The following FNBP1 variants were observed in gnomAD, a reference collection of about 807,000 sequenced individuals.
The protein encoded by FNBP1 is formin-binding protein 1.
In FNBP1, 26 loss-of-function variants were observed where a neutral mutation model predicts 90.6. The observed-to-expected ratio is 0.29, with a 90% confidence interval of 0.21 to 0.40. FNBP1 has a LOEUF of 0.40. FNBP1 is among the 10% of genes least tolerant of loss of function. FNBP1 has a pLI of 1.00. For missense variants in FNBP1, 635 were observed against 768.0 expected, an observed-to-expected ratio of 0.83 and a Z score of 2.05; for synonymous variants, 260 against 265.2, an observed-to-expected ratio of 0.98 and a Z score of 0.19.
intron 4 of FNBP1, among the ~76,000 whole-genome samples, chr9:129,959,694 A>G (rs1412657379): frequency 6.6e-6 from 1 of 152,200 alleles, no homozygotes; most frequent in Admixed American, 6.5e-5. Context: ...AACTGCTTTG[A>G]GATATGATTC....
In FNBP1 at chr9:129,925,068, GC is replaced by G; in HGVS notation, c.878del (p.Arg293ProfsTer42). Reference sequence around the variant, plus strand: ...TTGAAAGGCTGTTATCTGACACAGTGCGCTTCATTGGCTGAGTGTAATCCTC... The same window carrying G: ...TTGAAAGGCTGTTATCTGACACAGTGGCTTCATTGGCTGAGTGTAATCCTC... ...EFEDYTQPMK[R>X]TVSDNSLSNS... On this transcript the variant is annotated frameshift_variant, in exon 9 of 17. Transcript: ENST00000446176. LOFTEE classifies it high-confidence loss of function. The G allele has an allele frequency of 6.2e-7, 1 of 1,613,894 alleles. No individual in the cohort carries two copies. The highest frequency in any genetic ancestry group is 8.5e-7 in the Non-Finnish European group (1 of 1,179,814).
chr9:129,982,295 A>C (rs1397742862), intron 2 of FNBP1, among the ~76,000 whole-genome samples: 1 of 152,134 alleles, frequency 6.6e-6, no homozygotes, highest in Non-Finnish European at 1.5e-5. Context: ...ACATGGTGAA[A>C]TCCTGTCTCT....
At chr9:130,040,344 C>T (rs1031751029) in intron 1 of FNBP1, among the ~76,000 whole-genome samples, 2 of 152,178 alleles carry the variant, frequency 1.3e-5, no homozygotes, top group African/African-American at 4.8e-5. Context: ...TAACGTCAAG[C>T]GTGGTGGCTC....
Position 129,890,601 on chromosome 9 carries a change from G to T in FNBP1, c.1847-55C>A. 1.3e-6 allele frequency: 2 copies of T among 1,518,122 alleles called. No individual in the cohort carries two copies. The highest frequency in any genetic ancestry group is 1.8e-6 in the Non-Finnish European group (2 of 1,115,432). The allele number at this position is 1,518,122 out of a possible 1,614,324, so 94.0% of individuals were successfully genotyped here. A position where few individuals can be genotyped will look rare whatever the true frequency, so the allele number is the denominator to read the frequency against. On this transcript the variant is annotated intron_variant, in intron 16 of 16. Transcript: ENST00000446176. The surrounding 1 kb of genome is among the most constrained non-coding windows in gnomAD (Gnocchi z 5.8). ...ACTCTCTGTTAGAGAGGAAGGCGCG[G>T]GTTCCAGGCGGGCATTTTGCTCTTG...
Position 129,890,322 on chromosome 9 carries a change from G to A in FNBP1, c.*217C>T. 3 of 597,000 alleles carry A rather than the reference G, an allele frequency of 5.0e-6. No individual in the cohort carries two copies. In the Middle Eastern group the frequency reaches 1.3e-3, roughly 265 times the overall value. 37.0% of individuals were successfully genotyped at this position (597,000 alleles called of 1,614,324 possible). A position where few individuals can be genotyped will look rare whatever the true frequency, so the allele number is the denominator to read the frequency against. On this transcript the variant is annotated 3_prime_UTR_variant, in exon 17 of 17. Transcript: ENST00000446176. This position sits in a 1 kb window ranked among gnomAD's most constrained non-coding sequence, Gnocchi z 5.8. ...GATGAGGACTGACCCGAGCCATGGG[G>A]GTGGGCGCTGGCGAGACTTGTCCCC...
chr9:129,919,825 T>C (rs1418994204), intron 10 of FNBP1, among the ~76,000 whole-genome samples: 2 of 152,234 alleles, frequency 1.3e-5, no homozygotes, highest in Non-Finnish European at 2.9e-5. Flanking sequence ...GGCATAATGC[T>C]GTTAAGTTAC....
At chr9:129,914,193 G>T (rs2039859825) in intron 11 of FNBP1, among the ~76,000 whole-genome samples, 2 of 143,296 alleles carry the variant, frequency 1.4e-5, no homozygotes, top group Admixed American at 7.1e-5. Context: ...TTTTTTTTCA[G>T]ACATGGTCTC....
intron 11 of FNBP1, among the ~76,000 whole-genome samples, chr9:129,914,292 C>T (rs570161567): frequency 7.9e-5 from 12 of 152,100 alleles, no homozygotes; most frequent in Non-Finnish European, 1.5e-4. Context: ...CCTGCCTCAG[C>T]CTTCCAAAGC....
chr9:129,968,268 G>A (rs1382322499), intron 4 of FNBP1, among the ~76,000 whole-genome samples: 1 of 151,942 alleles, frequency 6.6e-6, no homozygotes, highest in Non-Finnish European at 1.5e-5. Flanking sequence ...GGTGGCAGGC[G>A]CCTGTAATCC....
chr9:130,012,536 G>T (rs1364088896), intron 1 of FNBP1, among the ~76,000 whole-genome samples: 1 of 152,154 alleles, frequency 6.6e-6, no homozygotes, highest in Non-Finnish European at 1.5e-5. Flanking sequence ...GGTGGATTAA[G>T]AATTAAGAAC....
intron 1 of FNBP1, among the ~76,000 whole-genome samples, chr9:130,006,943 G>A (rs2055797837): frequency 6.6e-6 from 1 of 151,956 alleles, no homozygotes; most frequent in South Asian, 2.1e-4. Context: ...GTGATATAAA[G>A]AATGTGGAGG....
intron 6 of FNBP1, among the ~76,000 whole-genome samples, chr9:129,951,248 T>C (rs928742092): frequency 6.6e-6 from 1 of 151,850 alleles, no homozygotes; most frequent in African/African-American, 2.4e-5. Flanking sequence ...TGAGCCACCA[T>C]GCCCGGTCTA....
chr9:129,925,933 T>C (rs1486688956), intron 8 of FNBP1, among the ~76,000 whole-genome samples: 2 of 151,982 alleles, frequency 1.3e-5, no homozygotes, highest in African/African-American at 4.8e-5. Flanking sequence ...ATTTGAGCTT[T>C]TCATCCGAGC....
chr9:130,045,493 G>T (rs2060055654), upstream of FNBP1, among the ~76,000 whole-genome samples: 1 of 152,142 alleles, frequency 6.6e-6, no homozygotes, highest in Non-Finnish European at 1.5e-5. Flanking sequence ...AAAACAACCT[G>T]CTGCTTTAAA....
At chr9:129,922,538 T>C (rs1023941255) in intron 10 of FNBP1, among the ~76,000 whole-genome samples, 1 of 152,156 alleles carries the variant, frequency 6.6e-6, no homozygotes, top group African/African-American at 2.4e-5. Context: ...TACCTGGGCT[T>C]CATAGGGTGG....
In FNBP1 at chr9:129,924,397, T is replaced by C. The variant is rs116881853; in HGVS notation, c.988-371A>G. On this transcript the variant is annotated intron_variant, in intron 9 of 16. Coordinates refer to ENST00000446176, the MANE Select transcript of FNBP1 (RefSeq NM_015033.3). The stretch of plus-strand genomic sequence containing the variant: ...AAATGAAAGACCTTCAATGCTAAGG[T>C]TGTGGAAACAGCAGTCTGTTTAAAT... Among the ~76,000 whole-genome samples the C allele has an allele frequency of 1.4e-3, 215 of 152,296 alleles. 3 individuals are homozygous for C. The East Asian group carries it at 0.033, about 24-fold the overall frequency.
intron 1 of FNBP1, among the ~76,000 whole-genome samples, chr9:130,001,257 G>A (rs554579235): frequency 2.7e-5 from 4 of 150,636 alleles, no homozygotes; most frequent in African/African-American, 9.8e-5. Flanking sequence ...GCTTGAACCC[G>A]GGAGGCGGAG....
chr9:130,042,925 T>G lies in FNBP1; in HGVS notation c.24+27A>C, dbSNP rs1174659608. The stretch of plus-strand genomic sequence containing the variant: ...GGAAACGCAGCGCGCGCCCCGCATC[T>G]GCCCGCGGGCCCAGCCCCTCACTCA... On this transcript the variant is annotated intron_variant, in intron 1 of 16. Coordinates refer to ENST00000446176, the MANE Select transcript of FNBP1 (RefSeq NM_015033.3). This position sits in a 1 kb window ranked among gnomAD's most constrained non-coding sequence, Gnocchi z 5.5. 2.4e-6 allele frequency: 3 copies of G among 1,228,774 alleles called. No homozygotes were observed. Among genetic ancestry groups the G allele is most frequent in the Non-Finnish European group, 3.0e-6 (3 of 984,932 alleles). 76.1% of individuals were successfully genotyped at this position (1,228,774 alleles called of 1,614,324 possible).
intron 1 of FNBP1, among the ~76,000 whole-genome samples, chr9:130,010,854 C>T (rs2056461182): frequency 6.7e-6 from 1 of 150,096 alleles, no homozygotes; most frequent in Admixed American, 6.7e-5. Flanking sequence ...TGTACTGGCA[C>T]TGGAATGAGA....
Sources: gnomAD v4.1 joint callset for allele counts (sites outside exome capture counted in the v4.1 genomes callset) on GRCh38, gnomAD v4.1.1 for gene constraint, Gnocchi (gnomAD v3.1) non-coding constraint, MANE v1.5 for transcripts, NCBI Gene and HGNC (gene_info 2026-07-23, HGNC 2026-07-21) for gene names.